SUFU: variants seen among roughly 807,000 people sequenced by gnomAD.
The protein encoded by SUFU is suppressor of fused homolog.
SUFU carries 7 observed loss-of-function variants against 58.9 expected under a neutral mutation model. The ratio of observed to expected loss-of-function variants is 0.12; its 90% CI spans 0.07 to 0.22. SUFU has a LOEUF of 0.22. Among genes scored for constraint, SUFU ranks in the 10% least tolerant of loss-of-function variants. SUFU has a pLI of 1.00. For synonymous variants in SUFU, 232 were observed against 254.8 expected (o/e 0.91, Z 0.85); for missense variants, 451 against 641.3 (o/e 0.70, Z 3.20).
intron 3 of SUFU, among the ~76,000 whole-genome samples, chr10:102,561,257 G>A (rs907514929): frequency 6.6e-6 from 1 of 152,218 alleles, no homozygotes; most frequent in African/African-American, 2.4e-5. Flanking sequence ...AAAGTGAGGA[G>A]GAATTAGATA....
chr10:102,572,252 T>C (rs2135805241), intron 3 of SUFU, among the ~76,000 whole-genome samples: 1 of 145,830 alleles, frequency 6.9e-6, no homozygotes, highest in Middle Eastern at 4.1e-3. Flanking sequence ...TTTTTTGTAA[T>C]TTTAGTAGAG....
chr10:102,620,236 G>T (rs1338854574), intron 10 of SUFU, among the ~76,000 whole-genome samples: 2 of 152,236 alleles, frequency 1.3e-5, no homozygotes, highest in Non-Finnish European at 2.9e-5. Flanking sequence ...CTGGCCACCA[G>T]CCCAGCCCAG....
intron 9 of SUFU, among the ~76,000 whole-genome samples, chr10:102,616,512 C>A (rs1354594826): frequency 6.6e-6 from 1 of 152,230 alleles, no homozygotes; most frequent in African/African-American, 2.4e-5. Context: ...ACAGCCACAT[C>A]CTCCCCAGCC....
At chr10:102,588,061 A>T (rs1205214047) in intron 3 of SUFU, among the ~76,000 whole-genome samples, 1 of 152,184 alleles carries the variant, frequency 6.6e-6, no homozygotes, top group East Asian at 1.9e-4. Flanking sequence ...TGCTGAAAAG[A>T]CTATTTCCTT....
chr10:102,607,651 C>T (rs1164398087), intron 8 of SUFU, among the ~76,000 whole-genome samples: 3 of 152,142 alleles, frequency 2.0e-5, no homozygotes, highest in Non-Finnish European at 1.5e-5. Flanking sequence ...TGGTGACTCA[C>T]GCCTGTAATC....
At chr10:102,603,695 T>C (rs2063535993) in intron 8 of SUFU, among the ~76,000 whole-genome samples, 1 of 152,186 alleles carries the variant, frequency 6.6e-6, no homozygotes, top group African/African-American at 2.4e-5. Context: ...TGCTGTAACA[T>C]TCACATTTGC....
At chr10:102,605,091 G>A (rs1005991722) in intron 8 of SUFU, among the ~76,000 whole-genome samples, 7 of 151,868 alleles carry the variant, frequency 4.6e-5, no homozygotes, top group African/African-American at 1.4e-4. Context: ...GCTAATTTTT[G>A]TATTTTTAGT....
chr10:102,513,250 A>T (rs143340569), intron 2 of SUFU, among the ~76,000 whole-genome samples: 1 of 152,324 alleles, frequency 6.6e-6, no homozygotes, highest in Admixed American at 6.5e-5. Context: ...CATTTAAATT[A>T]GTACTCAAAG....
At chr10:102,588,410 A>T (rs4919660) in intron 3 of SUFU, among the ~76,000 whole-genome samples, 77 of 150,174 alleles carry the variant, frequency 5.1e-4, no homozygotes, top group African/African-American at 1.7e-3. Flanking sequence ...AAAAAAAAAG[A>T]AAAGTAAATT....
chr10:102,611,802 A>G (rs1347522981), intron 8 of SUFU, among the ~76,000 whole-genome samples: 1 of 152,218 alleles, frequency 6.6e-6, no homozygotes, highest in African/African-American at 2.4e-5. Context: ...CCAATGTCAC[A>G]TAAAACTGGA....
intron 3 of SUFU, among the ~76,000 whole-genome samples, chr10:102,553,724 A>G (rs1389241370): frequency 1.3e-5 from 2 of 152,068 alleles, no homozygotes; most frequent in African/African-American, 2.4e-5. Context: ...CAGCCTCCCA[A>G]AGTGCTGGGA....
chr10:102,622,507 C>T (rs1261311179), intron 10 of SUFU, among the ~76,000 whole-genome samples: 1 of 152,160 alleles, frequency 6.6e-6, no homozygotes, highest in Non-Finnish European at 1.5e-5. Context: ...CTTTGGGAGG[C>T]CGAGGCGGGC....
chr10:102,614,238 A>G (rs533448285), intron 8 of SUFU, among the ~76,000 whole-genome samples: 29 of 152,274 alleles, frequency 1.9e-4, no homozygotes, highest in African/African-American at 6.5e-4. Context: ...GGGAAAGACA[A>G]GCCACTGTGC....
Position 102,503,993 on chromosome 10 carries a change from C to T in SUFU, c.-160C>T, listed in dbSNP as rs901040439. ...TGGCAGACTCGGCGGCGGCGACAGC[C>T]TGGGCGGACAGTGCGCCGTGCGCAG... On this transcript the variant is annotated 5_prime_UTR_variant, in exon 1 of 12. Transcript: ENST00000369902. 1.8e-6 allele frequency: 2 copies of T among 1,084,170 alleles called. No individual in the cohort carries two copies. The highest frequency in any genetic ancestry group is 1.2e-6 in the Non-Finnish European group (1 of 811,570). 67.2% of individuals were successfully genotyped at this position (1,084,170 alleles called of 1,614,324 possible).
chr10:102,503,650 G>A (rs1248269838), upstream of SUFU, among the ~76,000 whole-genome samples: 2 of 152,170 alleles, frequency 1.3e-5, no homozygotes, highest in African/African-American at 4.8e-5. Context: ...TCAATCCATT[G>A]TCAGATTTAT....
intron 3 of SUFU, among the ~76,000 whole-genome samples, chr10:102,566,764 C>CAAAAA (rs1213985884): frequency 1.4e-5 from 1 of 73,564 alleles, no homozygotes; most frequent in Non-Finnish European, 2.6e-5. Flanking sequence ...GACTCTGTCT[C>CAAAAA]AAAAAAAAAA....
chr10:102,592,781 A>G (rs1023477214), intron 4 of SUFU, 57 bp downstream of exon 4: 33 of 1,605,872 alleles, frequency 2.1e-5, no homozygotes, highest in Non-Finnish European at 2.7e-5. Flanking sequence ...TCCTGGGAGG[A>G]CAAGGAGGCT....
Position 102,558,635 on chromosome 10 carries a change from A to G in SUFU, c.454+8529A>G, listed in dbSNP as rs530718431. Among the ~76,000 whole-genome samples, 4 of 152,316 alleles carry G rather than the reference A, an allele frequency of 2.6e-5. No homozygotes were observed. The South Asian group carries it at 8.3e-4, about 32-fold the overall frequency. ...GATGGACCACCAGGATTTACGTTGA[A>G]AGTCTTCCCTCTGCTCATCACTTCC... On this transcript the variant is annotated intron_variant, in intron 3 of 11. Transcript: ENST00000369902.
intron 2 of SUFU, among the ~76,000 whole-genome samples, chr10:102,534,166 C>T (rs1291708290): frequency 1.3e-5 from 2 of 152,104 alleles, no homozygotes; most frequent in Admixed American, 6.5e-5. Flanking sequence ...CGGTGGCTCA[C>T]GCCTGTAATC....
Sources: allele counts gnomAD v4.1 joint callset (sites outside exome capture counted in the v4.1 genomes callset), GRCh38; gene constraint gnomAD v4.1.1; transcripts MANE v1.5; gene names NCBI Gene and HGNC (gene_info 2026-07-23, HGNC 2026-07-21).